Variants in CYB5R2 observed in about 807,000 individuals in gnomAD.
The protein encoded by CYB5R2 is NADH-cytochrome b5 reductase 2.
Under a neutral mutation model 29.8 loss-of-function variants are expected in CYB5R2, and 35 were observed. That is an observed-to-expected ratio of 1.17 (90% CI 0.90 to 1.56). CYB5R2 has a LOEUF of 1.56. Ranked by LOEUF, CYB5R2 falls within the 40% of genes most tolerant of loss-of-function variation. The pLI, the probability that CYB5R2 is intolerant of heterozygous loss-of-function variation, is 0.00. For missense variants in CYB5R2, 419 were observed against 346.7 expected (o/e 1.21, Z -1.66); for synonymous variants, 169 against 130.6 (o/e 1.29, Z -2.01).
At chr11:7,673,222 A>AG in intron 1 of CYB5R2, 197 bp downstream of exon 1, 1 of 442,084 alleles carries the variant, frequency 2.3e-6, no homozygotes, top group South Asian at 3.1e-5. Context: ...CTTGAGGTGA[A>AG]GGGGGAGGAC....
chr11:7,673,049 G>T, intron 1 of CYB5R2, 158 bp from the exon 2 acceptor site: 1 of 696,728 alleles, frequency 1.4e-6, no homozygotes, highest in Non-Finnish European at 2.3e-6. Context: ...GAAGGCGGCT[G>T]GGAGAGCCTG....
intron 5 of CYB5R2, 83 bp from the exon 6 acceptor site, chr11:7,668,644 C>T: frequency 8.9e-7 from 1 of 1,129,806 alleles, no homozygotes; most frequent in Non-Finnish European, 1.3e-6. Flanking sequence ...CTTAGGACTC[C>T]CAGGAGGCAC....
At chr11:7,668,775 A>G (rs1340850688) in intron 5 of CYB5R2, 1 of 607,830 alleles carries the variant, frequency 1.6e-6, no homozygotes, top group Non-Finnish European at 2.9e-6. Context: ...TGGTCGGGGA[A>G]TCGCCGGGCC....
At chr11:7,674,058 C>G, upstream of CYB5R2, 1 of 1,190,574 alleles carries the variant, frequency 8.4e-7, no homozygotes, top group Non-Finnish European at 1.1e-6. Context: ...CCTCTGCATC[C>G]TGGCCCCTTC....
intron 7 of CYB5R2, 114 bp downstream of exon 7, chr11:7,667,614 C>G: frequency 9.9e-7 from 1 of 1,005,150 alleles, no homozygotes; most frequent in Non-Finnish European, 1.6e-6. Context: ...CTAAGCCCTC[C>G]CACAGATGCA....
chr11:7,666,082 GGT>G (rs1855171136), intron 8 of CYB5R2: 1 of 653,242 alleles, frequency 1.5e-6, no homozygotes, highest in African/African-American at 1.8e-5. Context: ...GGCGGTAAGG[GGT>G]GTGGTGGCCG....
At position 7,667,822 on chromosome 11, in the gene CYB5R2, C is replaced by T. The variant is rs1168343713; in HGVS notation, c.473-9G>A. On this transcript the variant is annotated splice_polypyrimidine_tract_variant and intron_variant, in intron 6 of 8. Transcript: ENST00000299498. Reference sequence around the variant, plus strand: ...CAACATGGGTGTGATGCCTGGAACACAGTGAGCGAGCAGCCAGCTTTCTCC... The same window carrying T: ...CAACATGGGTGTGATGCCTGGAACATAGTGAGCGAGCAGCCAGCTTTCTCC... 1 of 1,613,262 alleles carries T rather than the reference C, an allele frequency of 6.2e-7. No homozygotes were observed. Among genetic ancestry groups the T allele is most frequent in the Non-Finnish European group, 8.5e-7 (1 of 1,179,280 alleles).
chr11:7,669,515 G>T, intron 4 of CYB5R2, 110 bp downstream of exon 4: 2 of 1,207,346 alleles, frequency 1.7e-6, no homozygotes, highest in Non-Finnish European at 1.2e-6. Context: ...CTGCTGGAAA[G>T]CCCTGCCTAG....
At chr11:7,667,583 C>G in intron 7 of CYB5R2, 145 bp downstream of exon 7, 1 of 731,916 alleles carries the variant, frequency 1.4e-6, no homozygotes. Context: ...TCTCCAGCTG[C>G]CAGCAGCCCT....
chr11:7,665,641 G>A (rs962481896), intron 8 of CYB5R2, 95 bp from the exon 9 acceptor site: 2 of 1,338,250 alleles, frequency 1.5e-6, no homozygotes, highest in South Asian at 1.5e-5. Flanking sequence ...CAGGGAGGAG[G>A]TGACAAGCTG....
intron 1 of CYB5R2, 112 bp downstream of exon 1, chr11:7,673,307 G>C: frequency 1.1e-6 from 1 of 933,720 alleles, no homozygotes; most frequent in Non-Finnish European, 1.3e-6. Flanking sequence ...GCTCTAAGAG[G>C]TGCCCCGTGA....
chr11:7,674,263 T>A, upstream of CYB5R2: 1 of 1,286,932 alleles, frequency 7.8e-7, no homozygotes. Flanking sequence ...CCGGGGCGGG[T>A]GTTTGCGGGG....
At position 7,672,455 on chromosome 11, in the gene CYB5R2, A is replaced by G. The variant is rs752331164; in HGVS notation, c.147T>C (p.Pro49=). 1 of 1,613,986 alleles carries G rather than the reference A, an allele frequency of 6.2e-7. No individual in the cohort carries two copies. The highest frequency in any genetic ancestry group is 8.5e-7 in the Non-Finnish European group (1 of 1,179,960). The change falls in exon 3 of 9, where the codon CCT becomes CCC. Residue 49 remains proline, a synonymous_variant. Coordinates refer to ENST00000299498, the MANE Select transcript of CYB5R2 (RefSeq NM_016229.5). ...LPSPDHVLGL[P]VGNYVQLLAK... is the part of the protein sequence containing the mutation. ...GATGACCCAAGCCCGGCTCACCTAC[A>G]GGAAGCCCTAAGACATGGTCCGGCG...
chr11:7,665,445 G>T lies in CYB5R2; in HGVS notation c.760C>A (p.Leu254Ile). 1 of 1,613,662 alleles carries T rather than the reference G, an allele frequency of 6.2e-7. No homozygotes were observed. The change falls in exon 9 of 9, where the codon CTA becomes ATA. Residue 254 changes from leucine to isoleucine, a missense_variant. Physicochemically the swap from Leu to Ile is conservative, Grantham distance 5. Transcript: ENST00000299498. ...TLILVCGPPPLIQTAAHPNLE... is the reference protein window; with the variant it reads ...TLILVCGPPPIIQTAAHPNLE... The stretch of plus-strand genomic sequence containing the variant: ...TTAGGGTGAGCCGCCGTCTGGATTA[G>T]TGGTGGCGGGCCACACACCAGGATG...
intron 6 of CYB5R2, among the ~76,000 whole-genome samples, chr11:7,668,076 G>A (rs6578893): frequency 0.062 from 9,461 of 152,278 alleles, 830 homozygotes; most frequent in African/African-American, 0.2. Context: ...AAACAATGAC[G>A]GGTAAATGTG....
chr11:7,674,234 C>A (rs987612453), upstream of CYB5R2: 16 of 1,287,144 alleles, frequency 1.2e-5, no homozygotes, highest in Non-Finnish European at 1.6e-5. Context: ...ACCTCATGGG[C>A]GCCTACCCTG....
At chr11:7,666,115 G>A in intron 8 of CYB5R2, 1 of 621,608 alleles carries the variant, frequency 1.6e-6, no homozygotes, top group Non-Finnish European at 2.9e-6. Flanking sequence ...GGTGAGTGGT[G>A]AAGGGGTCAG....
At position 7,665,535 on chromosome 11, in the gene CYB5R2, T is replaced by C; in HGVS notation, c.670A>G (p.Ser224Gly). The C allele has an allele frequency of 6.2e-7, 1 of 1,605,358 alleles. No individual in the cohort carries two copies. Among genetic ancestry groups the C allele is most frequent in the Non-Finnish European group, 8.5e-7 (1 of 1,176,686 alleles). The stretch of plus-strand genomic sequence containing the variant: ...ATGTCGGCAGTAACGAAGCCTGAGC[T>C]GTACTTCCAGCCTGAAATGAAGGAG... ...LDRPPIGWKYSSGFVTADMIK... is the reference protein window; with the variant it reads ...LDRPPIGWKYGSGFVTADMIK... Residue 224 changes from serine (S) to glycine (G), a missense_variant, in exon 9 of 9, where the codon AGC becomes GGC. Physicochemically the swap from Ser to Gly is moderately conservative, Grantham distance 56 (BLOSUM62 0). Coordinates refer to ENST00000299498, the MANE Select transcript of CYB5R2 (RefSeq NM_016229.5).
Position 7,669,669 on chromosome 11 carries a change from C to G in CYB5R2, c.214G>C (p.Val72Leu). The change falls in exon 4 of 9, where the codon GTC (valine) becomes CTC (leucine). Residue 72 changes from valine (V) to leucine (L), a missense_variant. Val to Leu is a conservative substitution (Grantham distance 32). Transcript: ENST00000299498. Reference protein sequence around the residue: ...NELVVRAYTPVSSDDDRGFVD... With the variant: ...NELVVRAYTPLSSDDDRGFVD... ...AAGCCTCTGTCATCATCACTGGAGACAGGGGTGTAAGCCCTGACCACCAAT... is the reference window on the plus strand; with the variant it reads ...AAGCCTCTGTCATCATCACTGGAGAGAGGGGTGTAAGCCCTGACCACCAAT... 6.2e-7 allele frequency: 1 copy of G among 1,612,880 alleles called. No homozygotes were observed. The highest frequency in any genetic ancestry group is 8.5e-7 in the Non-Finnish European group (1 of 1,179,430).
Sources: allele counts gnomAD v4.1 joint callset (sites outside exome capture counted in the v4.1 genomes callset), GRCh38; gene constraint gnomAD v4.1.1; transcripts MANE v1.5; gene names NCBI Gene and HGNC (gene_info 2026-07-23, HGNC 2026-07-21).